Variants in GLIS3 observed in about 807,000 individuals in gnomAD.
The protein encoded by GLIS3 is zinc finger protein GLIS3.
Under a neutral mutation model 78.6 loss-of-function variants are expected in GLIS3, and 53 were observed. That is an observed-to-expected ratio of 0.67 (90% CI 0.54 to 0.85). The LOEUF (loss-of-function observed/expected upper bound fraction) is 0.85, where lower values mean the gene tolerates loss of function less well. GLIS3 is among the 40% of genes least tolerant of loss of function. The pLI is 0.00. For synonymous variants in GLIS3, 684 were observed against 509.9 expected (o/e 1.34, Z -4.60); for missense variants, 1,703 against 1,231.1 (o/e 1.38, Z -5.74).
chr9:4,064,056 C>T (rs930419127), intron 4 of GLIS3, among the ~76,000 whole-genome samples: 1 of 151,680 alleles, frequency 6.6e-6, no homozygotes, highest in African/African-American at 2.4e-5. Context: ...GACAAGTAGA[C>T]CACTGAAACA....
chr9:4,064,221 T>C (rs1279006184), intron 4 of GLIS3, among the ~76,000 whole-genome samples: 1 of 152,146 alleles, frequency 6.6e-6, no homozygotes, highest in Non-Finnish European at 1.5e-5. Context: ...CCTTGTATTA[T>C]ACAGTACATA....
At chr9:4,428,905 C>G in the GLIS3 span, among the ~76,000 whole-genome samples, 1 of 152,174 alleles carries the variant, frequency 6.6e-6, no homozygotes, top group East Asian at 1.9e-4. Context: ...TGAGTTGTCC[C>G]TGACACCCCC....
chr9:4,266,972 C>G (rs373866274), intron 2 of GLIS3, among the ~76,000 whole-genome samples: 2 of 152,138 alleles, frequency 1.3e-5, no homozygotes, highest in African/African-American at 4.8e-5. Flanking sequence ...TGATATAACC[C>G]GTTTATGGAA....
intron 4 of GLIS3, among the ~76,000 whole-genome samples, chr9:4,002,072 G>A (rs1821158324): frequency 6.6e-6 from 1 of 152,146 alleles, no homozygotes; most frequent in South Asian, 2.1e-4. Context: ...TTCTGATATG[G>A]ACAGATTATC....
chr9:4,319,116 C>T (rs896847311), intron 2 of GLIS3, among the ~76,000 whole-genome samples: 9 of 152,102 alleles, frequency 5.9e-5, no homozygotes, highest in Non-Finnish European at 1.2e-4. Flanking sequence ...ACAAAATATA[C>T]ATGACAACAA....
chr9:3,865,453 C>T (rs190797162), intron 8 of GLIS3, among the ~76,000 whole-genome samples: 1 of 152,358 alleles, frequency 6.6e-6, no homozygotes, highest in Admixed American at 6.5e-5. Flanking sequence ...TGTCTTGACT[C>T]AGGCTAGAAT....
Position 4,176,303 on chromosome 9 carries a change from A to G in GLIS3, c.389-50362T>C, listed in dbSNP as rs973119568. ...AGAAATAACAACGATTTGTAATGTA[A>G]CTGCCCAGAGATAATCATAGTGTTT... On this transcript the variant is annotated intron_variant, in intron 2 of 10. Transcript: ENST00000381971. Among the ~76,000 whole-genome samples, 8 of 152,228 alleles carry G rather than the reference A, an allele frequency of 5.3e-5. No homozygotes were observed. In the East Asian group the frequency reaches 1.5e-3, roughly 29 times the overall value.
the GLIS3 span, among the ~76,000 whole-genome samples, chr9:4,414,073 C>G: frequency 1.3e-5 from 2 of 152,108 alleles, no homozygotes; most frequent in Non-Finnish European, 2.9e-5. Flanking sequence ...ATGTACATTT[C>G]CTCTGAATCA....
chr9:4,294,802 A>G (rs986023762), intron 1 of GLIS3, among the ~76,000 whole-genome samples: 2 of 152,208 alleles, frequency 1.3e-5, no homozygotes, highest in Non-Finnish European at 2.9e-5. Context: ...TACATTTATC[A>G]TATAGTTATG....
chr9:4,357,229 G>C, the GLIS3 span, among the ~76,000 whole-genome samples: 1 of 152,162 alleles, frequency 6.6e-6, no homozygotes, highest in African/African-American at 2.4e-5. Context: ...TTCTGGTTGT[G>C]TCTGTGAAGG....
At chr9:3,889,199 T>C (rs576132561) in intron 7 of GLIS3, among the ~76,000 whole-genome samples, 25 of 152,318 alleles carry the variant, frequency 1.6e-4, no homozygotes, top group African/African-American at 6.0e-4. Context: ...CCACCTGTCC[T>C]GAGGCAGTTT....
intron 2 of GLIS3, among the ~76,000 whole-genome samples, chr9:4,241,092 C>T (rs547601082): frequency 1.1e-3 from 171 of 152,260 alleles, no homozygotes; most frequent in African/African-American, 3.8e-3. Context: ...GACAAACCAC[C>T]TTTATGATTA....
rs1309501067 is a variant in GLIS3, at chr9:3,825,855, C to T, written c.*2417G>A. The T allele has an allele frequency of 1.3e-5, 2 of 152,262 alleles. No homozygotes were observed. The highest frequency in any genetic ancestry group is 4.8e-5 in the African/African-American group (2 of 41,444). The allele number at this position is 152,262 out of a possible 1,614,324, so 9.4% of individuals were successfully genotyped here. On this transcript the variant is annotated 3_prime_UTR_variant, in exon 11 of 11. Coordinates refer to ENST00000381971, the MANE Select transcript of GLIS3 (RefSeq NM_001042413.2). ...GGGTCCTGTGGCCAGCATGCTCTCT[C>T]TGAGATAAAATGTCCCTCTGGGGCT...
chr9:4,211,436 T>C (rs1820363677), intron 2 of GLIS3, among the ~76,000 whole-genome samples: 1 of 152,212 alleles, frequency 6.6e-6, no homozygotes, highest in Non-Finnish European at 1.5e-5. Context: ...TCACCCATCC[T>C]GCACGCACCT....
chr9:4,419,137 G>A, the GLIS3 span, among the ~76,000 whole-genome samples: 4 of 152,100 alleles, frequency 2.6e-5, no homozygotes, highest in Non-Finnish European at 5.9e-5. Flanking sequence ...GCTTTCTGAC[G>A]TCAAATATGA....
chr9:4,399,260 A>G, the GLIS3 span, among the ~76,000 whole-genome samples: 8 of 152,322 alleles, frequency 5.3e-5, no homozygotes, highest in African/African-American at 1.7e-4. Flanking sequence ...AAATGTGACT[A>G]TGTACCCCAT....
chr9:4,454,887 G>C, the GLIS3 span, among the ~76,000 whole-genome samples: 1 of 152,104 alleles, frequency 6.6e-6, no homozygotes. Flanking sequence ...ATATAATCTA[G>C]AATTGTACAC....
chr9:3,914,929 G>A (rs1824398290), intron 6 of GLIS3, among the ~76,000 whole-genome samples: 1 of 152,030 alleles, frequency 6.6e-6, no homozygotes, highest in African/African-American at 2.4e-5. Context: ...TGCCCGTGGT[G>A]TTATTTTCGT....
the GLIS3 span, among the ~76,000 whole-genome samples, chr9:4,369,088 C>T: frequency 6.6e-6 from 1 of 152,112 alleles, no homozygotes; most frequent in Non-Finnish European, 1.5e-5. Context: ...TACTTAGATG[C>T]TTTCTTATTA....
Sources: allele counts gnomAD v4.1 joint callset (sites outside exome capture counted in the v4.1 genomes callset), GRCh38; gene constraint gnomAD v4.1.1; transcripts MANE v1.5; gene names NCBI Gene and HGNC (gene_info 2026-07-23, HGNC 2026-07-21).